CDH12: variants seen among roughly 807,000 people sequenced by gnomAD.
The protein encoded by CDH12 is cadherin 12.
In CDH12, 41 loss-of-function variants were observed where a neutral mutation model predicts 74.1. The ratio of observed to expected loss-of-function variants is 0.55; its 90% CI spans 0.43 to 0.72. CDH12 has a LOEUF of 0.72. CDH12 is among the 30% of genes least tolerant of loss of function. The pLI, the probability that CDH12 is intolerant of heterozygous loss-of-function variation, is 0.00. For missense variants in CDH12, 945 were observed against 977.2 expected, an observed-to-expected ratio of 0.97 and a Z score of 0.44; for synonymous variants, 399 against 355.0, an observed-to-expected ratio of 1.12 and a Z score of -1.39.
chr5:21,883,870 C>T (rs1752489979), intron 6 of CDH12: 1 of 1,606,252 alleles, frequency 6.2e-7, no homozygotes, highest in East Asian at 2.2e-5. Flanking sequence ...GCCCTTAATG[C>T]TACAAGAGCT....
At chr5:22,480,923 AT>A (rs1746361486) in intron 2 of CDH12, among the ~76,000 whole-genome samples, 1 of 152,150 alleles carries the variant, frequency 6.6e-6, no homozygotes, top group African/African-American at 2.4e-5. Flanking sequence ...AAATGCAAAT[AT>A]TTTTCCAGCA....
intron 3 of CDH12, among the ~76,000 whole-genome samples, chr5:22,268,424 A>G (rs2150398497): frequency 6.6e-6 from 1 of 152,272 alleles, no homozygotes; most frequent in Non-Finnish European, 1.5e-5. Context: ...AATAAACCAA[A>G]AGAAAAAGAG....
At chr5:21,901,662 C>G (rs1328078169) in intron 6 of CDH12, among the ~76,000 whole-genome samples, 3 of 152,096 alleles carry the variant, frequency 2.0e-5, no homozygotes, top group Admixed American at 6.6e-5. Context: ...CTGGCTTTAT[C>G]AACCCTCCAG....
intron 1 of CDH12, among the ~76,000 whole-genome samples, chr5:22,576,147 G>A (rs1032009967): frequency 4.6e-5 from 7 of 152,248 alleles, no homozygotes; most frequent in Admixed American, 2.6e-4. Context: ...AAAAGTTAAC[G>A]CCTATTATAA....
chr5:22,226,493 C>A lies in CDH12; in HGVS notation c.-332-13850G>T, dbSNP rs1394456509. Among the ~76,000 whole-genome samples the A allele has an allele frequency of 2.0e-5, 3 of 151,770 alleles. No individual in the cohort carries two copies. In the East Asian group the frequency reaches 5.8e-4, roughly 30 times the overall value. On this transcript the variant is annotated intron_variant, in intron 3 of 14. Coordinates refer to ENST00000382254, the MANE Select transcript of CDH12 (RefSeq NM_004061.5). ...CTATCTGAGAGAGACTCCAAGCTGA[C>A]AGCAAGCAGGAGAATGTGGACCTCT...
chr5:21,752,088 C>T lies in CDH12; in HGVS notation c.2034G>A (p.Leu678=), dbSNP rs1335725767. 8 of 1,614,130 alleles carry T rather than the reference C, an allele frequency of 5.0e-6. No homozygotes were observed. Among genetic ancestry groups the T allele is most frequent in the Non-Finnish European group, 6.8e-6 (8 of 1,180,010 alleles). Residue 678 remains leucine (L), a synonymous_variant, in exon 15 of 15, where the codon CTG becomes CTA. Coordinates refer to ENST00000382254, the MANE Select transcript of CDH12 (RefSeq NM_004061.5). ...TCTCCTCAATCACTTTTGGGTTTCT[C>T]AGAGCCCCGATGTCGAAAGCCTGGG... is the stretch of plus-strand genomic sequence containing the variant. ...EDTQAFDIGA[L]RNPKVIEENK... is the part of the protein sequence containing the mutation.
At chr5:22,828,851 T>C (rs369648900) in intron 1 of CDH12, among the ~76,000 whole-genome samples, 4 of 152,200 alleles carry the variant, frequency 2.6e-5, no homozygotes, top group African/African-American at 9.6e-5. Flanking sequence ...AACATGATAG[T>C]TGTATGTTTA....
intron 1 of CDH12, among the ~76,000 whole-genome samples, chr5:22,695,732 TC>T (rs1742325071): frequency 6.6e-6 from 1 of 152,168 alleles, no homozygotes. Flanking sequence ...AGAGATTAAA[TC>T]TTGGCATTTG....
chr5:22,340,087 G>C (rs907007086), intron 3 of CDH12, among the ~76,000 whole-genome samples: 2 of 152,112 alleles, frequency 1.3e-5, no homozygotes, highest in Non-Finnish European at 2.9e-5. Context: ...TGCTTACATA[G>C]TGTCTTCCAT....
intron 3 of CDH12, among the ~76,000 whole-genome samples, chr5:22,277,551 G>C (rs1736687657): frequency 6.6e-6 from 1 of 152,114 alleles, no homozygotes; most frequent in Non-Finnish European, 1.5e-5. Context: ...AAAAACAACA[G>C]GCCAGGCATG....
chr5:22,840,605 G>A (rs972977304), intron 1 of CDH12, among the ~76,000 whole-genome samples: 1 of 151,612 alleles, frequency 6.6e-6, no homozygotes, highest in African/African-American at 2.4e-5. Flanking sequence ...CTATATGTTA[G>A]TCTGTTAGAC....
chr5:21,813,550 C>G (rs1011243798), intron 9 of CDH12, among the ~76,000 whole-genome samples: 6 of 152,120 alleles, frequency 3.9e-5, no homozygotes, highest in Admixed American at 3.9e-4. Context: ...CATGGGCTCT[C>G]TATATCACGA....
At chr5:22,315,171 C>CCGG (rs1738577325) in intron 3 of CDH12, among the ~76,000 whole-genome samples, 1 of 123,344 alleles carries the variant, frequency 8.1e-6, no homozygotes, top group Non-Finnish European at 1.6e-5. Flanking sequence ...ACCGTGTTAG[C>CCGG]CGGGATGGTC....
At chr5:22,425,679 T>G (rs2126507868) in intron 2 of CDH12, among the ~76,000 whole-genome samples, 1 of 152,056 alleles carries the variant, frequency 6.6e-6, no homozygotes, top group South Asian at 2.1e-4. Context: ...GAATGATCTT[T>G]ACTTTCTTAA....
At chr5:22,177,427 T>A (rs1749402640) in intron 4 of CDH12, among the ~76,000 whole-genome samples, 3 of 152,014 alleles carry the variant, frequency 2.0e-5, no homozygotes, top group Admixed American at 2.0e-4. Context: ...GGGGAAGGAA[T>A]AATGAATCTC....
At chr5:21,910,984 T>A (rs1048070434) in intron 6 of CDH12, among the ~76,000 whole-genome samples, 3 of 152,202 alleles carry the variant, frequency 2.0e-5, no homozygotes, top group Admixed American at 2.0e-4. Flanking sequence ...TTTAAAGGCC[T>A]TAGCCTTGTT....
intron 5 of CDH12, among the ~76,000 whole-genome samples, chr5:21,989,929 C>T (rs932941726): frequency 6.6e-6 from 1 of 152,120 alleles, no homozygotes; most frequent in African/African-American, 2.4e-5. Flanking sequence ...GTGTTCAATT[C>T]ACAATATTTG....
At chr5:22,119,446 T>C (rs557394047) in intron 4 of CDH12, among the ~76,000 whole-genome samples, 13 of 152,030 alleles carry the variant, frequency 8.6e-5, no homozygotes, top group African/African-American at 2.9e-4. Context: ...CATGCCACCA[T>C]GCCAGGCTAA....
At chr5:22,810,152 T>G (rs1749062246) in intron 1 of CDH12, among the ~76,000 whole-genome samples, 1 of 152,110 alleles carries the variant, frequency 6.6e-6, no homozygotes, top group South Asian at 2.1e-4. Flanking sequence ...GTAGAAAAAA[T>G]AATGTTGAAG....
Sources: gnomAD v4.1 joint callset for allele counts (sites outside exome capture counted in the v4.1 genomes callset) on GRCh38, gnomAD v4.1.1 for gene constraint, MANE v1.5 for transcripts, NCBI Gene and HGNC (gene_info 2026-07-23, HGNC 2026-07-21) for gene names.